NRK: variants seen among roughly 807,000 people sequenced by gnomAD.
The protein encoded by NRK is Nik related kinase.
Under a neutral mutation model 125.2 loss-of-function variants are expected in NRK, and 67 were observed. The observed-to-expected ratio is 0.54, with a 90% CI of 0.44 to 0.66. The LOEUF is 0.66. NRK is among the 30% of genes least tolerant of loss of function. NRK has a pLI of 0.00. For synonymous variants in NRK, 458 were observed against 429.0 expected (o/e 1.07, Z -0.84); for missense variants, 1,224 against 1,192.9 (o/e 1.03, Z -0.38).
chrX:105,886,572 T>G (rs1313646583), intron 4 of NRK, among the ~76,000 whole-genome samples: 1 of 104,521 alleles, frequency 9.6e-6, no homozygotes, highest in Non-Finnish European at 1.9e-5. Context: ...ATTATGCATT[T>G]ATCTCTGTCA....
chrX:105,850,717 T>A (rs922173260), intron 2 of NRK, among the ~76,000 whole-genome samples: 1 of 112,261 alleles, frequency 8.9e-6, no homozygotes, highest in African/African-American at 3.2e-5. Context: ...TGCTAAAATG[T>A]AACAGGAGTC....
intron 1 of NRK, among the ~76,000 whole-genome samples, chrX:105,826,838 C>T (rs915304472): frequency 8.1e-5 from 9 of 110,834 alleles, no homozygotes; most frequent in African/African-American, 2.6e-4. Context: ...GCATAATCCT[C>T]AATTACATAT....
chrX:105,952,909 A>G (rs942282191), intron 27 of NRK, 125 bp from the exon 28 acceptor site: 2 of 543,431 alleles, frequency 3.7e-6, no homozygotes, highest in East Asian at 8.2e-5. Flanking sequence ...AGGGAAAAAC[A>G]GGATGTGCTA....
chrX:105,856,695 T>C (rs1280741357), intron 2 of NRK, among the ~76,000 whole-genome samples: 1 of 111,823 alleles, frequency 8.9e-6, no homozygotes, highest in Non-Finnish European at 1.9e-5. Flanking sequence ...AACTTCTCTA[T>C]ACATATATAT....
rs2039036300 is a variant in NRK at position 105,822,660 on chromosome X, C to T, written c.-186C>T. The T allele has an allele frequency of 2.1e-6, 1 of 485,353 alleles. No homozygotes were observed. The highest frequency in any genetic ancestry group is 3.1e-5 in the South Asian group (1 of 32,475). The allele number at this position is 485,353 out of a possible 1,213,427, so 40.0% of individuals were successfully genotyped here. ...CGCCTCGCAAACTCCGGTTTCCCTCCACTCCCAACTCTTTTCACTACACGT... is the reference window on the plus strand; with the variant it reads ...CGCCTCGCAAACTCCGGTTTCCCTCTACTCCCAACTCTTTTCACTACACGT... On this transcript the variant is annotated 5_prime_UTR_variant, in exon 1 of 29. Transcript: ENST00000243300.
At chrX:105,946,267 A>T in intron 25 of NRK, 48 bp from the exon 26 acceptor site, 1 of 1,096,090 alleles carries the variant, frequency 9.1e-7, no homozygotes, top group Non-Finnish European at 1.2e-6. Flanking sequence ...TGCCTTAGTT[A>T]GAATGTCATT....
At chrX:105,927,804 TC>T (rs746116881) in intron 19 of NRK, among the ~76,000 whole-genome samples, 1 of 111,558 alleles carries the variant, frequency 9.0e-6, no homozygotes, top group East Asian at 2.8e-4. Context: ...ATGTTGAATC[TC>T]CCATGTATCC....
chrX:105,831,037 AT>A lies in NRK; in HGVS notation c.58-13del. The stretch of plus-strand genomic sequence containing the variant: ...TTTCCTAAGAAGATTAACAATTTTT[AT>A]TTTACTTTTTTGCAGGATCCAACTG... On this transcript the variant is annotated splice_polypyrimidine_tract_variant and intron_variant, in intron 1 of 28. Coordinates refer to ENST00000243300, the MANE Select transcript of NRK (RefSeq NM_198465.4). 1.0e-5 allele frequency: 11 copies of A among 1,068,314 alleles called. No homozygotes were observed. Among genetic ancestry groups the A allele is most frequent in the Non-Finnish European group, 1.4e-5 (11 of 771,746 alleles). 88.0% of individuals were successfully genotyped at this position (1,068,314 alleles called of 1,213,427 possible).
intron 26 of NRK, 139 bp downstream of exon 26, chrX:105,946,603 G>A: frequency 2.4e-6 from 1 of 409,689 alleles, no homozygotes; most frequent in Non-Finnish European, 4.1e-6. Context: ...TAAGTATAGA[G>A]TGCCAGAAAG....
intron 13 of NRK, among the ~76,000 whole-genome samples, chrX:105,910,982 G>A (rs1293732149): frequency 1.8e-5 from 2 of 111,663 alleles, no homozygotes; most frequent in Non-Finnish European, 3.8e-5. Context: ...CAAGGTCTAC[G>A]TGAGTCTAGG....
At chrX:105,943,635 T>C (rs927726773) in intron 23 of NRK, among the ~76,000 whole-genome samples, 2 of 112,424 alleles carry the variant, frequency 1.8e-5, no homozygotes, top group Non-Finnish European at 3.8e-5. Context: ...ATTTCAACAA[T>C]GTTAAATCTA....
chrX:105,836,453 A>G (rs1006843992), intron 2 of NRK, among the ~76,000 whole-genome samples: 1 of 111,908 alleles, frequency 8.9e-6, no homozygotes, highest in Non-Finnish European at 1.9e-5. Context: ...CATTTACACC[A>G]GAATGATTTC....
At chrX:105,910,489 A>G (rs1044737695) in intron 13 of NRK, among the ~76,000 whole-genome samples, 1 of 112,501 alleles carries the variant, frequency 8.9e-6, no homozygotes, top group African/African-American at 3.2e-5. Flanking sequence ...GCCTCACAGA[A>G]CGTGAAACAA....
chrX:105,916,485 G>A (rs1020168570), intron 15 of NRK, among the ~76,000 whole-genome samples: 1 of 111,062 alleles, frequency 9.0e-6, no homozygotes, highest in Non-Finnish European at 1.9e-5. Flanking sequence ...CATTTAGTCA[G>A]TAAATATTTA....
chrX:105,822,893 C>A lies in NRK; in HGVS notation c.48C>A (p.Gly16=). ...GWRDREVTDL[G]HLPDPTGIFS... ...GGGACAGGGAGGTCACGGATCTGGG[C>A]CACCTGCCGGTGAGTAGAGGACGCC... Residue 16 remains glycine, a synonymous_variant, in exon 1 of 29, where the codon GGC becomes GGA. Transcript: ENST00000243300. The A allele has an allele frequency of 8.6e-7, 1 of 1,168,754 alleles. No homozygotes were observed. Among genetic ancestry groups the A allele is most frequent in the Non-Finnish European group, 1.1e-6 (1 of 872,173 alleles).
chrX:105,922,138 C>A (rs2040459938), intron 17 of NRK, 77 bp downstream of exon 17: 1 of 476,260 alleles, frequency 2.1e-6, no homozygotes, highest in African/African-American at 2.4e-5. Context: ...TTCTCATATT[C>A]ACTTGAGGGA....
chrX:105,844,271 G>A (rs775770300), intron 2 of NRK, among the ~76,000 whole-genome samples: 6 of 111,019 alleles, frequency 5.4e-5, no homozygotes, highest in African/African-American at 1.6e-4. Flanking sequence ...TAAAAGAAGT[G>A]TGAAGTAGAG....
intron 13 of NRK, among the ~76,000 whole-genome samples, chrX:105,911,399 C>T (rs186622562): frequency 6.3e-4 from 70 of 111,566 alleles, no homozygotes; most frequent in African/African-American, 2.2e-3. Flanking sequence ...TAAAAGGAAT[C>T]ATTGTGATGA....
At chrX:105,900,715 G>A in intron 9 of NRK, 43 bp downstream of exon 9, 2 of 797,969 alleles carry the variant, frequency 2.5e-6, no homozygotes, top group Non-Finnish European at 3.7e-6. Context: ...TTAGGGAAAT[G>A]TACTGTACAA....
Sources: gnomAD v4.1 joint callset for allele counts (sites outside exome capture counted in the v4.1 genomes callset) on GRCh38, gnomAD v4.1.1 for gene constraint, MANE v1.5 for transcripts, NCBI Gene and HGNC (gene_info 2026-07-23, HGNC 2026-07-21) for gene names.